The following CLDN2 variants were observed in gnomAD, a reference collection of about 807,000 sequenced individuals.
CLDN2 encodes the protein claudin-2.
In CLDN2, 1 loss-of-function variant was observed where a neutral mutation model predicts 8.2. The observed-to-expected ratio is 0.12, with a 90% confidence interval of 0.04 to 0.58. The LOEUF (loss-of-function observed/expected upper bound fraction) is 0.58, where lower values mean the gene tolerates loss of function less well. Ranked by LOEUF, CLDN2 falls within the 20% of genes least tolerant of loss-of-function variation. The pLI is 0.90. For synonymous variants in CLDN2, 70 were observed against 70.2 expected, an observed-to-expected ratio of 1.00 and a Z score of 0.01; for missense variants, 108 against 172.9, an observed-to-expected ratio of 0.62 and a Z score of 2.11.
upstream of CLDN2, among the ~76,000 whole-genome samples, chrX:106,915,887 C>T (rs1353622928): frequency 9.0e-6 from 1 of 110,765 alleles, no homozygotes; most frequent in Non-Finnish European, 1.9e-5. Flanking sequence ...TCCCTTCTTA[C>T]CACAATCTCT....
upstream of CLDN2, among the ~76,000 whole-genome samples, chrX:106,916,246 C>T (rs1342140949): frequency 9.1e-6 from 1 of 110,323 alleles, no homozygotes; most frequent in African/African-American, 3.3e-5. Flanking sequence ...TAAGCTGAGC[C>T]CTAAAGGATA....
At chrX:106,904,679 T>A (rs897421749) in intron 1 of CLDN2, among the ~76,000 whole-genome samples, 2 of 112,501 alleles carry the variant, frequency 1.8e-5, no homozygotes, top group African/African-American at 6.5e-5. Flanking sequence ...AGTCCCACTA[T>A]GTTCTTTTCA....
In CLDN2 at chrX:106,930,567, C is replaced by T. The variant is rs1271156409; in HGVS notation, c.*1646C>T. 1 of 122,745 alleles carries T rather than the reference C, an allele frequency of 8.1e-6. No individual in the cohort carries two copies. The highest frequency in any genetic ancestry group is 3.3e-5 in the African/African-American group (1 of 30,608). The allele number at this position is 122,745 out of a possible 1,213,427, so 10.1% of individuals were successfully genotyped here. A position where few individuals can be genotyped will look rare whatever the true frequency, so the allele number is the denominator to read the frequency against. Reference sequence around the variant, plus strand: ...AAGGCCGTCTCCCCTTAGCCAAGTCCTCCTCAGGCTTGGAGAACTTCCTCA... The same window carrying T: ...AAGGCCGTCTCCCCTTAGCCAAGTCTTCCTCAGGCTTGGAGAACTTCCTCA... On this transcript the variant is annotated 3_prime_UTR_variant, in exon 2 of 2. Coordinates refer to ENST00000336803, the MANE Select transcript of CLDN2 (RefSeq NM_020384.4).
rs1933181583 is a variant in CLDN2 at position 106,906,563 on chromosome X, C to T, written c.-179+6059C>T. On this transcript the variant is annotated intron_variant, in intron 1 of 1. Coordinates refer to the CLDN2 transcript ENST00000541806. ...CAGAATAACCTCTCCTTCTACTTCCCTGAGAAAACAGAGGCCTTCAAGCGT... is the reference window on the plus strand; with the variant it reads ...CAGAATAACCTCTCCTTCTACTTCCTTGAGAAAACAGAGGCCTTCAAGCGT... Among the ~76,000 whole-genome samples, 2 of 111,277 alleles carry T rather than the reference C, an allele frequency of 1.8e-5. 1 individual carries two copies. The highest frequency in any genetic ancestry group is 7.7e-4 in the South Asian group (2 of 2,581).
chrX:106,905,312 T>C (rs1487185858), intron 1 of CLDN2, among the ~76,000 whole-genome samples: 2 of 111,652 alleles, frequency 1.8e-5, no homozygotes, highest in African/African-American at 6.5e-5. Context: ...AACAGAGGTT[T>C]ATTATATGAG....
intron 1 of CLDN2, chrX:106,900,800 G>A: frequency 8.3e-7 from 1 of 1,211,251 alleles, no homozygotes; most frequent in Non-Finnish European, 1.1e-6. Context: ...CTTCTTCGCT[G>A]TCTGAGTCCT....
At chrX:106,901,740 G>A (rs1933098668) in intron 1 of CLDN2, among the ~76,000 whole-genome samples, 1 of 111,656 alleles carries the variant, frequency 9.0e-6, no homozygotes, top group African/African-American at 3.3e-5. Context: ...AGAGTCCTGC[G>A]GGTTGTTTGC....
chrX:106,921,141 G>A (rs1260204215), intron 1 of CLDN2, among the ~76,000 whole-genome samples: 4 of 112,440 alleles, frequency 3.6e-5, no homozygotes, highest in East Asian at 5.6e-4. Flanking sequence ...ACTTATGGCC[G>A]GGGAGATCGT....
At chrX:106,913,841 G>A (rs371703245), upstream of CLDN2, among the ~76,000 whole-genome samples, 44 of 110,222 alleles carry the variant, frequency 4.0e-4, 2 homozygotes, top group East Asian at 3.1e-3. Flanking sequence ...GCTCCTAGAG[G>A]CTACCTACAC....
At position 106,928,435 on chromosome X, in the gene CLDN2, C is replaced by A. The variant is rs777266817; in HGVS notation, c.207C>A (p.Thr69=). The change falls in exon 2 of 2, where the codon ACC becomes ACA. Residue 69 remains threonine (T), a synonymous_variant. Transcript: ENST00000336803. ...TGITQCDIYS[T]LLGLPADIQA... ...TCACCCAGTGTGACATCTATAGCAC[C>A]CTTCTGGGCCTGCCCGCTGACATCC... The A allele has an allele frequency of 3.0e-5, 36 of 1,210,165 alleles. No individual in the cohort carries two copies. Among genetic ancestry groups the A allele is most frequent in the South Asian group, 1.9e-4 (11 of 56,768 alleles).
intron 1 of CLDN2, among the ~76,000 whole-genome samples, chrX:106,908,579 T>C (rs1177909567): frequency 9.2e-6 from 1 of 108,168 alleles, no homozygotes; most frequent in Non-Finnish European, 1.9e-5. Flanking sequence ...TTTTTTTTTT[T>C]TTTGTTGTTG....
intron 1 of CLDN2, among the ~76,000 whole-genome samples, chrX:106,910,086 G>A: frequency 9.0e-6 from 1 of 110,787 alleles, no homozygotes; most frequent in Non-Finnish European, 1.9e-5. Context: ...TCTTCTCTGA[G>A]ACAGCCCCCT....
Position 106,930,858 on chromosome X carries a change from T to A in CLDN2, c.*1937T>A, listed in dbSNP as rs1933544998. On this transcript the variant is annotated 3_prime_UTR_variant, in exon 2 of 2. Transcript: ENST00000336803. ...AGGTGATCAATAAACACTTGTTGAT[T>A]GAGTAACTGTGTTACTGATTAAAAG... is the stretch of plus-strand genomic sequence containing the variant. 8.2e-6 allele frequency: 1 copy of A among 122,597 alleles called. No homozygotes were observed. The highest frequency in any genetic ancestry group is 3.8e-4 in the South Asian group (1 of 2,636). 10.1% of individuals were successfully genotyped at this position (122,597 alleles called of 1,213,427 possible).
chrX:106,922,708 T>C (rs1440173152), intron 1 of CLDN2, among the ~76,000 whole-genome samples: 4 of 111,996 alleles, frequency 3.6e-5, no homozygotes, highest in Non-Finnish European at 7.5e-5. Context: ...TCAAAGATGA[T>C]TTGCAATTAT....
rs760299171 is a variant in CLDN2 at position 106,905,923 on chromosome X, C to G, written c.-179+5419C>G. Among the ~76,000 whole-genome samples, 10 of 111,865 alleles carry G rather than the reference C, an allele frequency of 8.9e-5. No homozygotes were observed. The South Asian group carries it at 2.7e-3, about 30-fold the overall frequency. On this transcript the variant is annotated intron_variant, in intron 1 of 1. Coordinates refer to the CLDN2 transcript ENST00000541806. ...TCCTGGAGCCCAGGGAGCCTTCAGA[C>G]CTGTTTCCATGGGTCTTTGTCCTCC...
At chrX:106,906,511 C>T (rs1299244647) in intron 1 of CLDN2, among the ~76,000 whole-genome samples, 3 of 111,290 alleles carry the variant, frequency 2.7e-5, no homozygotes, top group Non-Finnish European at 5.7e-5. Flanking sequence ...CTCCTTACCA[C>T]GTTCCTGCCC....
intron 1 of CLDN2, among the ~76,000 whole-genome samples, chrX:106,925,324 A>G (rs146949336): frequency 1.1e-3 from 123 of 112,482 alleles, no homozygotes; most frequent in Middle Eastern, 4.6e-3. Flanking sequence ...GACCCAGGCT[A>G]GAGTAAGAGA....
intron 1 of CLDN2, among the ~76,000 whole-genome samples, chrX:106,922,501 C>T (rs1416353046): frequency 8.9e-6 from 1 of 112,533 alleles, no homozygotes; most frequent in Non-Finnish European, 1.9e-5. Flanking sequence ...GACTCTTCAG[C>T]TGCCATCCCA....
chrX:106,928,146 G>A lies in CLDN2; in HGVS notation c.-83G>A. 1 of 709,861 alleles carries A rather than the reference G, an allele frequency of 1.4e-6. No individual in the cohort carries two copies. The highest frequency in any genetic ancestry group is 2.1e-6 in the Non-Finnish European group (1 of 467,980). The allele number at this position is 709,861 out of a possible 1,213,427, so 58.5% of individuals were successfully genotyped here. On this transcript the variant is annotated 5_prime_UTR_variant, in exon 2 of 2. Transcript: ENST00000336803. ...CTGGCAGAGAGACTCTGAAATGAGG[G>A]ATTAGAGGTGTTCAAGGAGCAAGAG...
Sources: allele counts gnomAD v4.1 joint callset (sites outside exome capture counted in the v4.1 genomes callset), GRCh38; gene constraint gnomAD v4.1.1; transcripts MANE v1.5; gene names NCBI Gene and HGNC (gene_info 2026-07-23, HGNC 2026-07-21).